The following MRPL54 variants were observed in gnomAD, a reference collection of about 807,000 sequenced individuals.
MRPL54 encodes mitochondrial ribosomal protein L54.
MRPL54 carries 12 observed loss-of-function variants against 15.6 expected under a neutral mutation model. The ratio of observed to expected loss-of-function variants is 0.77; its 90% confidence interval spans 0.49 to 1.24. MRPL54 has a LOEUF of 1.24. MRPL54 is among the 50% of genes most tolerant of loss of function. The pLI, the probability that MRPL54 is intolerant of heterozygous loss-of-function variation, is 0.00. For synonymous variants in MRPL54, 91 were observed against 75.7 expected (o/e 1.20, Z -1.05); for missense variants, 178 against 186.8 (o/e 0.95, Z 0.28).
intron 1 of MRPL54, among the ~76,000 whole-genome samples, chr19:3,763,952 G>A (rs1173003991): frequency 6.6e-6 from 1 of 151,986 alleles, no homozygotes; most frequent in African/African-American, 2.4e-5. Flanking sequence ...AATAAGCGGG[G>A]CATGGTGGCT....
chr19:3,763,361 C>T (rs2037169107), intron 1 of MRPL54, among the ~76,000 whole-genome samples: 1 of 152,214 alleles, frequency 6.6e-6, no homozygotes, highest in Non-Finnish European at 1.5e-5. Flanking sequence ...GCCTTAAAGA[C>T]AGACACATAG....
At position 3,762,947 on chromosome 19, in the gene MRPL54, A is replaced by G. The variant is rs115512971; in HGVS notation, c.118+129A>G. 555 of 776,828 alleles carry G rather than the reference A, an allele frequency of 7.1e-4. 2 individuals are homozygous for G. The African/African-American group carries it at 9.4e-3, about 13-fold the overall frequency. The allele number at this position is 776,828 out of a possible 1,614,324, so 48.1% of individuals were successfully genotyped here. A position where few individuals can be genotyped will look rare whatever the true frequency, so the allele number is the denominator to read the frequency against. On this transcript the variant is annotated intron_variant, in intron 1 of 2. Coordinates refer to ENST00000330133, the MANE Select transcript of MRPL54 (RefSeq NM_172251.3). ...CGCAGAGAGGCGGATGCCAGGCTGT[A>G]TGCGCAGGCGCAGTTTGAGGGACCC...
intron 1 of MRPL54, 68 bp downstream of exon 1, chr19:3,762,886 GTGGT>G (rs2037164046): frequency 1.5e-6 from 2 of 1,297,850 alleles, no homozygotes; most frequent in Non-Finnish European, 2.1e-6. Flanking sequence ...TGCGCAGGCG[GTGGT>G]TGGGGAGGTG....
chr19:3,767,479 C>T lies in MRPL54; in HGVS notation c.*86C>T. The T allele has an allele frequency of 6.5e-7, 1 of 1,548,570 alleles. No homozygotes were observed. The highest frequency in any genetic ancestry group is 1.2e-5 in the South Asian group (1 of 84,344). On this transcript the variant is annotated 3_prime_UTR_variant, in exon 3 of 3. Coordinates refer to ENST00000330133, the MANE Select transcript of MRPL54 (RefSeq NM_172251.3). Reference sequence around the variant, plus strand: ...TGGACTTTTGTGAGACAAGAGGCGGCTCCCCAGCCTGGGTTTCCATGTGAC... The same window carrying T: ...TGGACTTTTGTGAGACAAGAGGCGGTTCCCCAGCCTGGGTTTCCATGTGAC...
rs760946328 is a variant in MRPL54, at chr19:3,762,798, G to A, written c.98G>A (p.Arg33Gln). Residue 33 changes from arginine (R) to glutamine (Q), a missense_variant, in exon 1 of 3, where the codon CGG becomes CAG. Physicochemically the swap from Arg to Gln is conservative, Grantham distance 43. Coordinates refer to ENST00000330133, the MANE Select transcript of MRPL54 (RefSeq NM_172251.3). ...GCCACTTCCGGAAGACTCCTGGCCCGGGATTATGCCAAGAAACCAGGTGAG... is the reference window on the plus strand; with the variant it reads ...GCCACTTCCGGAAGACTCCTGGCCCAGGATTATGCCAAGAAACCAGGTGAG... ...NPATSGRLLA[R>Q]DYAKKPVMKG... The A allele has an allele frequency of 2.5e-6, 4 of 1,588,210 alleles. No individual in the cohort carries two copies. Among genetic ancestry groups the A allele is most frequent in the South Asian group, 1.1e-5 (1 of 89,282 alleles).
chr19:3,766,933 G>C (rs2037203620), intron 2 of MRPL54, among the ~76,000 whole-genome samples: 1 of 152,206 alleles, frequency 6.6e-6, no homozygotes, highest in African/African-American at 2.4e-5. Context: ...GAAGGGTTCT[G>C]CTGTGGCCCC....
In MRPL54 at chr19:3,766,315, G is replaced by A. The variant is rs565187977; in HGVS notation, c.285-946G>A. Among the ~76,000 whole-genome samples, 6 of 152,136 alleles carry A rather than the reference G, an allele frequency of 3.9e-5. No individual in the cohort carries two copies. The South Asian group carries it at 8.3e-4, about 21-fold the overall frequency. ...CTAGTCTCGAACTCCTGATAACCTC[G>A]TGATCCGCCTGCCCTGGCCTCCCAA... On this transcript the variant is annotated intron_variant, in intron 2 of 2. Transcript: ENST00000330133.
intron 2 of MRPL54, among the ~76,000 whole-genome samples, 171 bp from the exon 3 acceptor site, chr19:3,767,090 A>G (rs1273488349): frequency 6.6e-6 from 1 of 152,102 alleles, no homozygotes; most frequent in Non-Finnish European, 1.5e-5. Flanking sequence ...CCATTGCTGC[A>G]TGGCCAGGGA....
intron 1 of MRPL54, among the ~76,000 whole-genome samples, chr19:3,763,615 T>TAAAAA (rs60200777): frequency 6.9e-6 from 1 of 145,352 alleles, no homozygotes. Flanking sequence ...CCTGTTTGTA[T>TAAAAA]AAAAAAAAAA....
chr19:3,767,194 G>A, intron 2 of MRPL54, 67 bp from the exon 3 acceptor site: 1 of 1,546,936 alleles, frequency 6.5e-7, no homozygotes, highest in Admixed American at 2.2e-5. Flanking sequence ...TCTGCCCGAG[G>A]TGCCCGGGAC....
At chr19:3,765,447 C>A in intron 2 of MRPL54, 116 bp downstream of exon 2, 2 of 1,161,638 alleles carry the variant, frequency 1.7e-6, no homozygotes, top group Non-Finnish European at 2.4e-6. Context: ...TCACACCTAC[C>A]CATCCTGGCT....
Position 3,767,334 on chromosome 19 carries a change from C to A in MRPL54, c.358C>A (p.Arg120=), listed in dbSNP as rs199621796. The change falls in exon 3 of 3, where the codon CGG becomes AGG. Residue 120 remains arginine (R), a synonymous_variant. Transcript: ENST00000330133. ...LDPESREYWR[R]LRKQNIWRHN... is the part of the protein sequence containing the mutation. Reference sequence around the variant, plus strand: ...CCCCGAGAGCCGGGAGTACTGGCGGCGGCTGCGGAAACAGAACATCTGGCG... The same window carrying A: ...CCCCGAGAGCCGGGAGTACTGGCGGAGGCTGCGGAAACAGAACATCTGGCG... The A allele has an allele frequency of 2.5e-6, 4 of 1,610,346 alleles. No individual in the cohort carries two copies. The highest frequency in any genetic ancestry group is 3.4e-6 in the Non-Finnish European group (4 of 1,178,710).
chr19:3,762,888 G>T (rs2037164071), intron 1 of MRPL54, 70 bp downstream of exon 1: 1 of 1,263,370 alleles, frequency 7.9e-7, no homozygotes, highest in South Asian at 1.4e-5. Flanking sequence ...CGCAGGCGGT[G>T]GTTGGGGAGG....
At chr19:3,767,159 C>A (rs539588517) in intron 2 of MRPL54, 102 bp from the exon 3 acceptor site, 851 of 1,411,720 alleles carry the variant, frequency 6.0e-4, no homozygotes, top group Non-Finnish European at 7.8e-4. Flanking sequence ...AACCAGTGGG[C>A]CTGGCACCCA....
intron 2 of MRPL54, 31 bp from the exon 3 acceptor site, chr19:3,767,230 T>TAG (rs1481522978): frequency 1.2e-6 from 2 of 1,602,414 alleles, no homozygotes; most frequent in African/African-American, 2.7e-5. Flanking sequence ...GGTCACCGTG[T>TAG]AGCTCTGATT....
At chr19:3,765,400 G>A (rs774679223) in intron 2 of MRPL54, 69 bp downstream of exon 2, 313 of 1,558,618 alleles carry the variant, frequency 2.0e-4, no homozygotes, top group Non-Finnish European at 2.4e-4. Flanking sequence ...ACCCCTTCCC[G>A]GAGAGGCGGA....
chr19:3,766,714 G>C (rs1475506460), intron 2 of MRPL54, among the ~76,000 whole-genome samples: 1 of 152,236 alleles, frequency 6.6e-6, no homozygotes, highest in Non-Finnish European at 1.5e-5. Flanking sequence ...GGGGTGTTTG[G>C]CTGCTCTAGT....
At chr19:3,765,067 A>G (rs966290544) in intron 1 of MRPL54, 99 bp from the exon 2 acceptor site, 1 of 1,249,278 alleles carries the variant, frequency 8.0e-7, no homozygotes, top group Admixed American at 2.7e-5. Context: ...AGCAGAGTCC[A>G]GCCAGGGGCA....
chr19:3,765,205 G>T lies in MRPL54; in HGVS notation c.158G>T (p.Ser53Ile), dbSNP rs765556553. The part of the protein sequence containing the change: ...GAKSGKGAVT[S>I]EALKDPDVCT... ...AAATCGGGAAAAGGTGCAGTGACCAGCGAGGCCCTCAAGGACCCCGACGTA... is the reference window on the plus strand; with the variant it reads ...AAATCGGGAAAAGGTGCAGTGACCATCGAGGCCCTCAAGGACCCCGACGTA... The change falls in exon 2 of 3, where the codon AGC becomes ATC. Residue 53 changes from serine (S) to isoleucine (I), a missense_variant. By Grantham distance (142) the Ser-to-Ile change is moderately radical (BLOSUM62 -2). Coordinates refer to ENST00000330133, the MANE Select transcript of MRPL54 (RefSeq NM_172251.3). The T allele has an allele frequency of 9.9e-6, 16 of 1,613,536 alleles. No individual in the cohort carries two copies. Among genetic ancestry groups the T allele is most frequent in the Non-Finnish European group, 1.4e-5 (16 of 1,179,858 alleles).
Sources: gnomAD v4.1 joint callset for allele counts (sites outside exome capture counted in the v4.1 genomes callset) on GRCh38, gnomAD v4.1.1 for gene constraint, MANE v1.5 for transcripts, NCBI Gene and HGNC (gene_info 2026-07-23, HGNC 2026-07-21) for gene names.